GFPT2: variants seen among roughly 807,000 people sequenced by gnomAD.
GFPT2 encodes the protein glutamine--fructose-6-phosphate aminotransferase [isomerizing] 2.
GFPT2 carries 62 observed loss-of-function variants against 85.6 expected under a neutral mutation model. The observed-to-expected ratio is 0.72, with a 90% CI of 0.59 to 0.90. GFPT2 has a LOEUF of 0.90. Ranked by LOEUF, GFPT2 falls within the 40% of genes least tolerant of loss-of-function variation. GFPT2 has a pLI of 0.00. For missense variants in GFPT2, 788 were observed against 893.4 expected (o/e 0.88, Z 1.50); for synonymous variants, 368 against 344.5 (o/e 1.07, Z -0.75).
At chr5:180,307,424 C>T in intron 15 of GFPT2, 121 bp from the exon 16 acceptor site, 2 of 930,632 alleles carry the variant, frequency 2.1e-6, no homozygotes, top group Non-Finnish European at 3.3e-6. Flanking sequence ...GCACACTTTG[C>T]TTCCTCGCAT....
Position 180,353,334 on chromosome 5 carries a change from G to C in GFPT2, c.-117C>G, listed in dbSNP as rs1287332187. 1 of 698,842 alleles carries C rather than the reference G, an allele frequency of 1.4e-6. No homozygotes were observed. Among genetic ancestry groups the C allele is most frequent in the African/African-American group, 3.9e-5 (1 of 25,834 alleles). 43.3% of individuals were successfully genotyped at this position (698,842 alleles called of 1,614,324 possible). ...GGCTCCGTGGGCTCCGCGGGCTCCA[G>C]CTCCCGTCCGCTCGGCCTCCAGCCC... On this transcript the variant is annotated 5_prime_UTR_variant, in exon 1 of 19. Transcript: ENST00000253778.
In GFPT2 at chr5:180,338,548, G is replaced by T. The variant is rs956732670; in HGVS notation, c.60C>A (p.Phe20Leu). 6.2e-7 allele frequency: 1 copy of T among 1,612,960 alleles called. No individual in the cohort carries two copies. The highest frequency in any genetic ancestry group is 8.5e-7 in the Non-Finnish European group (1 of 1,178,944). ...GCTGCAGGCCCTTGATGAGGGTTTC[G>T]AAGATCTCCTTCCTCGTCCGGGGGA... ...YRVPRTRKEI[F>L]ETLIKGLQRL... The change falls in exon 2 of 19, where the codon TTC becomes TTA. Residue 20 changes from phenylalanine to leucine, a missense_variant. By Grantham distance (22) the Phe-to-Leu change is conservative. Coordinates refer to ENST00000253778, the MANE Select transcript of GFPT2 (RefSeq NM_005110.4).
At chr5:180,305,435 T>C (rs772484231) in intron 16 of GFPT2, among the ~76,000 whole-genome samples, 14 of 152,264 alleles carry the variant, frequency 9.2e-5, no homozygotes, top group Non-Finnish European at 1.9e-4. Flanking sequence ...ATTTTTTTCC[T>C]GTGTTCAGGT....
At chr5:180,329,515 T>C (rs1162023572) in intron 6 of GFPT2, among the ~76,000 whole-genome samples, 4 of 152,262 alleles carry the variant, frequency 2.6e-5, no homozygotes, top group African/African-American at 4.8e-5. Context: ...TAATACCTAA[T>C]TGGCTCACTG....
At chr5:180,337,998 G>A (rs1764435610) in intron 2 of GFPT2, among the ~76,000 whole-genome samples, 1 of 152,142 alleles carries the variant, frequency 6.6e-6, no homozygotes, top group African/African-American at 2.4e-5. Context: ...CGGGTGTGGT[G>A]GTGCACGCCT....
At chr5:180,347,468 C>T (rs1162608463) in intron 1 of GFPT2, among the ~76,000 whole-genome samples, 1 of 152,146 alleles carries the variant, frequency 6.6e-6, no homozygotes, top group East Asian at 1.9e-4. Context: ...GGGAAAGGTC[C>T]CAGAAGGAGA....
At chr5:180,332,253 A>AT (rs1353597720) in intron 4 of GFPT2, among the ~76,000 whole-genome samples, 1 of 133,068 alleles carries the variant, frequency 7.5e-6, no homozygotes, top group South Asian at 2.8e-4. Context: ...GGGCGGGGGG[A>AT]GCAGGGGGAT....
intron 17 of GFPT2, among the ~76,000 whole-genome samples, chr5:180,304,275 T>C (rs1763736172): frequency 6.6e-6 from 1 of 152,236 alleles, no homozygotes; most frequent in Admixed American, 6.5e-5. Flanking sequence ...TGGGTCGTTC[T>C]AGAAAATTAC....
intron 9 of GFPT2, among the ~76,000 whole-genome samples, chr5:180,321,217 CAAG>C (rs1764114457): frequency 1.3e-5 from 2 of 151,560 alleles, no homozygotes; most frequent in African/African-American, 2.4e-5. Flanking sequence ...CATGGAGTGA[CAAG>C]AAGTAAAAAC....
At chr5:180,338,887 A>G (rs1404320289) in intron 1 of GFPT2, among the ~76,000 whole-genome samples, 6 of 152,232 alleles carry the variant, frequency 3.9e-5, no homozygotes, top group African/African-American at 1.4e-4. Context: ...GGCAATGTCC[A>G]TAATAGAAAA....
chr5:180,331,019 CCT>C (rs1764291074), intron 5 of GFPT2, 185 bp from the exon 6 acceptor site: 1 of 589,422 alleles, frequency 1.7e-6, no homozygotes, highest in African/African-American at 1.9e-5. Context: ...TCCCGGAGGC[CCT>C]GAGATCATCC....
chr5:180,322,446 A>AT (rs572649310), intron 9 of GFPT2, among the ~76,000 whole-genome samples: 19 of 151,536 alleles, frequency 1.3e-4, no homozygotes, highest in African/African-American at 3.4e-4. Context: ...ACTCTAAAGC[A>AT]TTTTTTTTTC....
chr5:180,329,655 C>T (rs1045291821), intron 6 of GFPT2, among the ~76,000 whole-genome samples: 1 of 152,206 alleles, frequency 6.6e-6, no homozygotes, highest in Non-Finnish European at 1.5e-5. Context: ...TTAAATCAGA[C>T]TCTGAAAACA....
chr5:180,334,798 C>T (rs926862428), intron 4 of GFPT2, among the ~76,000 whole-genome samples: 2 of 152,208 alleles, frequency 1.3e-5, no homozygotes, highest in Non-Finnish European at 2.9e-5. Flanking sequence ...TCCTGCCTGC[C>T]CTTGGAGGCC....
At chr5:180,343,768 T>C (rs755947647) in intron 1 of GFPT2, among the ~76,000 whole-genome samples, 1 of 152,232 alleles carries the variant, frequency 6.6e-6, no homozygotes, top group South Asian at 2.1e-4. Flanking sequence ...ATTCCTTCCA[T>C]CCATAAATAA....
rs567288405 is a variant in GFPT2, at chr5:180,345,494, T to C, written c.8-6894A>G. Among the ~76,000 whole-genome samples, 12 of 152,382 alleles carry C rather than the reference T, an allele frequency of 7.9e-5. No individual in the cohort carries two copies. In the East Asian group the frequency reaches 1.9e-3, roughly 24 times the overall value. ...GGCAGCTCTTTGCAAGGCTGGCTCT[T>C]GCTAGCTCTTCGCAAAGGCGCCTCT... is the stretch of plus-strand genomic sequence containing the variant. On this transcript the variant is annotated intron_variant, in intron 1 of 18. Coordinates refer to ENST00000253778, the MANE Select transcript of GFPT2 (RefSeq NM_005110.4).
chr5:180,343,558 CT>C, intron 1 of GFPT2, among the ~76,000 whole-genome samples: 1 of 152,388 alleles, frequency 6.6e-6, no homozygotes, highest in Non-Finnish European at 1.5e-5. Context: ...CCTTCGGTCA[CT>C]TCTTTCATGA....
At chr5:180,302,846 C>T (rs186034468) in intron 17 of GFPT2, among the ~76,000 whole-genome samples, 296 of 152,244 alleles carry the variant, frequency 1.9e-3, no homozygotes, top group African/African-American at 6.7e-3. Flanking sequence ...TGTGCCTTGC[C>T]GAGAGCGGGG....
intron 1 of GFPT2, among the ~76,000 whole-genome samples, chr5:180,351,810 A>G (rs532771475): frequency 3.3e-5 from 5 of 152,168 alleles, no homozygotes; most frequent in Non-Finnish European, 7.4e-5. Flanking sequence ...CAGTGGGGGC[A>G]GAGGAGCATC....
Sources: gnomAD v4.1 joint callset for allele counts (sites outside exome capture counted in the v4.1 genomes callset) on GRCh38, gnomAD v4.1.1 for gene constraint, MANE v1.5 for transcripts, NCBI Gene and HGNC (gene_info 2026-07-23, HGNC 2026-07-21) for gene names.